DGKD: variants seen among roughly 807,000 people sequenced by gnomAD.
The protein encoded by DGKD is diacylglycerol kinase delta, also known as DAG kinase delta.
DGKD carries 68 observed loss-of-function variants against 154.4 expected under a neutral mutation model. That is an observed-to-expected ratio of 0.44 (90% CI 0.36 to 0.54). DGKD has a LOEUF of 0.54. DGKD is among the 20% of genes least tolerant of loss of function. DGKD has a pLI of 0.00. For missense variants in DGKD, 1,343 were observed against 1,593.6 expected, an observed-to-expected ratio of 0.84 and a Z score of 2.68; for synonymous variants, 693 against 638.0, an observed-to-expected ratio of 1.09 and a Z score of -1.30.
In DGKD at chr2:233,467,110, C is replaced by T. The variant is rs376378072; in HGVS notation, c.3331C>T (p.Arg1111Cys). Residue 1111 changes from arginine (R) to cysteine (C), a missense_variant, in exon 28 of 30, where the codon CGC becomes TGC. By Grantham distance (180) the Arg-to-Cys change is radical (BLOSUM62 -3). This residue lies in a region of DGKD where 429 missense variants were observed against 496.3 expected (regional missense o/e 0.86). Coordinates refer to ENST00000264057, the MANE Select transcript of DGKD (RefSeq NM_152879.3). ...GAGTGTGATGCTGGATCTTGCCAAG[C>T]GCAGTCGCAGTGGTAAATTCCGCCT... ...EESVMLDLAK[R>C]SRSGKFRLVT... The T allele has an allele frequency of 6.2e-6, 10 of 1,613,938 alleles. No homozygotes were observed. Among genetic ancestry groups the T allele is most frequent in the East Asian group, 2.2e-5 (1 of 44,890 alleles).
At chr2:233,420,424 T>A (rs1212085933) in intron 3 of DGKD, among the ~76,000 whole-genome samples, 1 of 152,200 alleles carries the variant, frequency 6.6e-6, no homozygotes, top group African/African-American at 2.4e-5. Context: ...ATAATAGATA[T>A]AACAGAGGCA....
At chr2:233,408,265 C>T (rs2061735542) in intron 3 of DGKD, among the ~76,000 whole-genome samples, 1 of 152,214 alleles carries the variant, frequency 6.6e-6, no homozygotes, top group Admixed American at 6.5e-5. Flanking sequence ...TGGTCTCGAA[C>T]TCCTGACCTC....
chr2:233,423,550 G>T (rs114748237), intron 3 of DGKD, among the ~76,000 whole-genome samples: 3,168 of 152,216 alleles, frequency 0.021, 68 homozygotes, highest in Non-Finnish European at 0.032. Context: ...ATATCCTCTT[G>T]TGCTGTCGGG....
intron 3 of DGKD, among the ~76,000 whole-genome samples, chr2:233,422,406 G>A (rs13425849): frequency 0.11 from 17,460 of 152,224 alleles, 1,243 homozygotes; most frequent in African/African-American, 0.21. Flanking sequence ...CAGCTCAACC[G>A]GAGGGCGTGG....
intron 1 of DGKD, among the ~76,000 whole-genome samples, chr2:233,357,425 T>G (rs1574968201): frequency 6.6e-6 from 1 of 152,168 alleles, no homozygotes; most frequent in East Asian, 1.9e-4. Flanking sequence ...GCTCCTCAAA[T>G]TTTAATGTGC....
rs1282511721 is a variant in DGKD at position 233,361,057 on chromosome 2, T to TG, written c.156+6387dup. ...TTTTATGGCAGCCCTAGGGCAGCCCTGGGGAAAGAACACTGGGCCCTGAAC... is the reference window on the plus strand; with the variant it reads ...TTTTATGGCAGCCCTAGGGCAGCCCTGGGGGAAAGAACACTGGGCCCTGAAC... On this transcript the variant is annotated intron_variant, in intron 1 of 29. Coordinates refer to ENST00000264057, the MANE Select transcript of DGKD (RefSeq NM_152879.3). Among the ~76,000 whole-genome samples the TG allele has an allele frequency of 6.1e-5, 9 of 146,414 alleles. No individual in the cohort carries two copies. The Admixed American group carries it at 6.2e-4, about 10-fold the overall frequency.
intron 8 of DGKD, among the ~76,000 whole-genome samples, chr2:233,437,994 C>T (rs1347824007): frequency 6.6e-6 from 1 of 152,156 alleles, no homozygotes; most frequent in Non-Finnish European, 1.5e-5. Context: ...AGAAAGGTGG[C>T]ATTTGGACAG....
In DGKD at chr2:233,393,758, T is replaced by C. The variant is rs1703807530; in HGVS notation, c.348+3275T>C. Among the ~76,000 whole-genome samples, 6 of 149,966 alleles carry C rather than the reference T, an allele frequency of 4.0e-5. No homozygotes were observed. In the South Asian group the frequency reaches 1.1e-3, roughly 27 times the overall value. ...GAGTGTAGTGGTGTGGTCTCGGCTC[T>C]CTGCAGCCTCCGCCTCCTGGGTTCC... is the stretch of plus-strand genomic sequence containing the variant. On this transcript the variant is annotated intron_variant, in intron 3 of 29. Transcript: ENST00000264057.
At chr2:233,448,486 A>G (rs1193324432) in intron 14 of DGKD, 111 bp downstream of exon 14, 1 of 928,900 alleles carries the variant, frequency 1.1e-6, no homozygotes, top group Non-Finnish European at 1.7e-6. Flanking sequence ...GATTTGAACA[A>G]AGAATTAGAC....
rs1191475465 is a variant in DGKD at position 233,354,911 on chromosome 2, G to C, written c.156+237G>C. 2.8e-5 allele frequency among the ~76,000 whole-genome samples: 4 copies of C among 145,440 alleles called. No individual in the cohort carries two copies. The highest frequency in any genetic ancestry group is 9.9e-5 in the African/African-American group (4 of 40,322). On this transcript the variant is annotated intron_variant, in intron 1 of 29. Coordinates refer to ENST00000264057, the MANE Select transcript of DGKD (RefSeq NM_152879.3). This position sits in a 1 kb window ranked among gnomAD's most constrained non-coding sequence, Gnocchi z 4.8. The stretch of plus-strand genomic sequence containing the variant: ...TGTGGGGCCGGGCGGGGGGCGCGCA[G>C]GTGGGCGCCCCGGGCGCCGCGCGCT...
intron 1 of DGKD, among the ~76,000 whole-genome samples, chr2:233,378,656 G>C (rs903972061): frequency 3.9e-5 from 6 of 152,096 alleles, no homozygotes; most frequent in Non-Finnish European, 7.4e-5. Context: ...AGCGCCTTTT[G>C]CATTTTTTTC....
chr2:233,443,736 G>A (rs2062972103), intron 10 of DGKD, among the ~76,000 whole-genome samples: 1 of 152,184 alleles, frequency 6.6e-6, no homozygotes, highest in African/African-American at 2.4e-5. Flanking sequence ...GCCTGCTGGT[G>A]GATTAGCATA....
chr2:233,430,294 A>G (rs189056688), intron 3 of DGKD, among the ~76,000 whole-genome samples: 4 of 152,352 alleles, frequency 2.6e-5, no homozygotes, highest in Admixed American at 1.3e-4. Context: ...TCACGGCAAC[A>G]CTATGAGAAA....
chr2:233,426,230 C>T (rs2062293322), intron 3 of DGKD, among the ~76,000 whole-genome samples: 1 of 152,082 alleles, frequency 6.6e-6, no homozygotes, highest in Non-Finnish European at 1.5e-5. Flanking sequence ...CCTTTCTCTC[C>T]CTGTCTCTTG....
In DGKD at chr2:233,469,542, C is replaced by T. The variant is rs1332202647; in HGVS notation, c.*82C>T. 3.3e-6 allele frequency: 4 copies of T among 1,230,410 alleles called. No homozygotes were observed. Among genetic ancestry groups the T allele is most frequent in the African/African-American group, 1.5e-5 (1 of 66,804 alleles). The allele number at this position is 1,230,410 out of a possible 1,614,324, so 76.2% of individuals were successfully genotyped here. A position where few individuals can be genotyped will look rare whatever the true frequency, so the allele number is the denominator to read the frequency against. ...CCCTCTCAGCCTGTGGCCTCTGCGC[C>T]TCCTGCCACTGAGGCCCTGGGCAGA... is the stretch of plus-strand genomic sequence containing the variant. On this transcript the variant is annotated 3_prime_UTR_variant, in exon 30 of 30. Coordinates refer to ENST00000264057, the MANE Select transcript of DGKD (RefSeq NM_152879.3).
chr2:233,460,680 A>G (rs1479365407), intron 24 of DGKD, among the ~76,000 whole-genome samples: 2 of 152,164 alleles, frequency 1.3e-5, no homozygotes, highest in Non-Finnish European at 2.9e-5. Context: ...CACAAGGTCA[A>G]GAGATTGAGA....
rs749319556 is a variant in DGKD at position 233,471,201 on chromosome 2, A to T, written c.*1741A>T. On this transcript the variant is annotated 3_prime_UTR_variant, in exon 30 of 30. Transcript: ENST00000264057. ...CCCCAGCACAGCCTCCTGTCGCTGC[A>T]TGCGACGTGTTGGGATTTTTGGATG... 1 of 152,376 alleles carries T rather than the reference A, an allele frequency of 6.6e-6. No individual in the cohort carries two copies. Among genetic ancestry groups the T allele is most frequent in the Non-Finnish European group, 1.5e-5 (1 of 68,058 alleles). 9.4% of individuals were successfully genotyped at this position (152,376 alleles called of 1,614,324 possible).
intron 28 of DGKD, among the ~76,000 whole-genome samples, chr2:233,467,414 T>G (rs1427553666): frequency 6.6e-6 from 1 of 152,190 alleles, no homozygotes; most frequent in Non-Finnish European, 1.5e-5. Flanking sequence ...CACCCGGCCC[T>G]GACGTGCTCT....
chr2:233,443,428 C>G (rs965454381), intron 10 of DGKD, among the ~76,000 whole-genome samples: 1 of 151,688 alleles, frequency 6.6e-6, no homozygotes, highest in Non-Finnish European at 1.5e-5. Flanking sequence ...ATTTTTTTCC[C>G]GGTTTGTCGT....
Sources: gnomAD v4.1 joint callset for allele counts (sites outside exome capture counted in the v4.1 genomes callset) on GRCh38, gnomAD v4.1.1 for gene constraint, gnomAD v4.1.1 regional missense constraint, Gnocchi (gnomAD v3.1) non-coding constraint, MANE v1.5 for transcripts, NCBI Gene and HGNC (gene_info 2026-07-23, HGNC 2026-07-21) for gene names.